PCDHGA4: variants seen among roughly 807,000 people sequenced by gnomAD.
The protein encoded by PCDHGA4 is protocadherin gamma-A4.
Under a neutral mutation model 54.6 loss-of-function variants are expected in PCDHGA4, and 38 were observed. That is an observed-to-expected ratio of 0.70 (90% confidence interval 0.54 to 0.91). The LOEUF is 0.91. Among genes scored for constraint, PCDHGA4 ranks in the 40% least tolerant of loss-of-function variants. The pLI, the probability that PCDHGA4 is intolerant of heterozygous loss-of-function variation, is 0.00. For synonymous variants in PCDHGA4, 511 were observed against 512.9 expected (o/e 1.00, Z 0.05); for missense variants, 1,298 against 1,220.9 (o/e 1.06, Z -0.94).
chr5:141,479,188 A>G (rs2099489531), intron 1 of PCDHGA4: 1 of 152,606 alleles, frequency 6.6e-6, no homozygotes. Context: ...TAGAAAATTC[A>G]GAAAATACAG....
intron 1 of PCDHGA4, chr5:141,441,697 C>T: frequency 6.5e-6 from 2 of 307,306 alleles, no homozygotes; most frequent in Non-Finnish European, 1.3e-5. Flanking sequence ...CAGCCGCGAG[C>T]CTTCAAGCTC....
rs2154586748 is a variant in PCDHGA4 at position 141,491,733 on chromosome 5, T to A, written c.2515-3074T>A. The A allele has an allele frequency of 6.2e-7, 1 of 1,602,698 alleles. No individual in the cohort carries two copies. Among genetic ancestry groups the A allele is most frequent in the Non-Finnish European group, 8.5e-7 (1 of 1,175,258 alleles). On this transcript the variant is annotated intron_variant, in intron 1 of 3. Transcript: ENST00000571252. The surrounding 1 kb of genome is among the most constrained non-coding windows in gnomAD (Gnocchi z 6.9). ...GCTCGGCGCCGCCCCGGGCGACCCC[T>A]GGGGGCGGCACTGGAGAAGCCGCCC...
At chr5:141,443,166 C>G (rs914863821) in intron 1 of PCDHGA4, among the ~76,000 whole-genome samples, 1 of 152,124 alleles carries the variant, frequency 6.6e-6, no homozygotes, top group African/African-American at 2.4e-5. Flanking sequence ...ATTTCCCTAC[C>G]CATGTCCACT....
intron 1 of PCDHGA4, among the ~76,000 whole-genome samples, chr5:141,429,759 C>T (rs1233949322): frequency 6.6e-6 from 1 of 151,946 alleles, no homozygotes; most frequent in East Asian, 1.9e-4. Flanking sequence ...GAATTTTTTC[C>T]CTATATTTTG....
At chr5:141,418,599 A>G in intron 1 of PCDHGA4, 1 of 1,614,054 alleles carries the variant, frequency 6.2e-7, no homozygotes, top group South Asian at 1.1e-5. Flanking sequence ...CAGGACGTGT[A>G]CAGGGTTAGC....
intron 1 of PCDHGA4, chr5:141,375,695 G>A (rs540188136): frequency 3.1e-6 from 5 of 1,614,132 alleles, no homozygotes; most frequent in Middle Eastern, 1.6e-4. Flanking sequence ...CAGCGACAGC[G>A]GGGACCCGCC....
At position 141,357,564 on chromosome 5, in the gene PCDHGA4, C is replaced by G. The variant is rs373329089; in HGVS notation, c.2457C>G (p.Ser819Arg). The G allele has an allele frequency of 6.2e-7, 1 of 1,614,202 alleles. No individual in the cohort carries two copies. Among genetic ancestry groups the G allele is most frequent in the Non-Finnish European group, 8.5e-7 (1 of 1,180,028 alleles). The change falls in exon 1 of 4, where the codon AGC becomes AGG. Residue 819 changes from serine (S) to arginine (R), a missense_variant. Coordinates refer to ENST00000571252, the MANE Select transcript of PCDHGA4 (RefSeq NM_018917.4). ...TCAGCCGGGAGAGTTGTGAGAAAAGCGAGCCTCTTCTGATAACTCAGGATT... is the reference window on the plus strand; with the variant it reads ...TCAGCCGGGAGAGTTGTGAGAAAAGGGAGCCTCTTCTGATAACTCAGGATT... ...TLISRESCEKSEPLLITQDLL... is the reference protein window; with the variant it reads ...TLISRESCEKREPLLITQDLL...
At chr5:141,405,955 CCTG>C (rs1293666113) in intron 1 of PCDHGA4, among the ~76,000 whole-genome samples, 4 of 152,056 alleles carry the variant, frequency 2.6e-5, no homozygotes, top group African/African-American at 9.7e-5. Context: ...TAATAATTAA[CCTG>C]CTGTCAACGT....
At chr5:141,377,625 G>GT (rs1774202160) in intron 1 of PCDHGA4, 1 of 150,730 alleles carries the variant, frequency 6.6e-6, no homozygotes, top group South Asian at 2.1e-4. Flanking sequence ...AAAAGATTTT[G>GT]TTTTTTCTCA....
At chr5:141,427,355 C>T (rs765449381) in intron 1 of PCDHGA4, 2 of 457,430 alleles carry the variant, frequency 4.4e-6, no homozygotes, top group African/African-American at 2.0e-5. Flanking sequence ...TAACTGAGGA[C>T]GCAGAACCCT....
At chr5:141,501,837 G>C (rs2099811299) in intron 2 of PCDHGA4, among the ~76,000 whole-genome samples, 1 of 152,018 alleles carries the variant, frequency 6.6e-6, no homozygotes, top group Admixed American at 6.5e-5. Flanking sequence ...CCACCTGTTT[G>C]GCCCTCAACC....
chr5:141,374,413 C>G (rs773364230), intron 1 of PCDHGA4: 3 of 1,613,856 alleles, frequency 1.9e-6, no homozygotes, highest in Admixed American at 3.3e-5. Context: ...ACATCCTTGT[C>G]GAGGATAAAC....
intron 1 of PCDHGA4, chr5:141,378,037 A>G (rs898518521): frequency 1.3e-5 from 2 of 152,204 alleles, no homozygotes; most frequent in African/African-American, 4.8e-5. Flanking sequence ...TTAAAACAAG[A>G]CTTTCCTTAT....
intron 1 of PCDHGA4, chr5:141,361,783 G>A (rs375966726): frequency 7.7e-5 from 125 of 1,613,126 alleles, no homozygotes; most frequent in Admixed American, 3.0e-4. Flanking sequence ...GAGCCTGCGC[G>A]TGTTAGTGGG....
In PCDHGA4 at chr5:141,388,566, A is replaced by T. The variant is rs145399301; in HGVS notation, c.2514+30945A>T. ...TCCACCCCTAAGCAGCACTGCACAGATACACGTTCTAGTGACTGATGCCAA... is the reference window on the plus strand; with the variant it reads ...TCCACCCCTAAGCAGCACTGCACAGTTACACGTTCTAGTGACTGATGCCAA... On this transcript the variant is annotated intron_variant, in intron 1 of 3. Transcript: ENST00000571252. 134 of 1,613,852 alleles carry T rather than the reference A, an allele frequency of 8.3e-5. No homozygotes were observed. The East Asian group carries it at 2.4e-3, about 29-fold the overall frequency.
Position 141,415,740 on chromosome 5 carries a change from GTTTTTTTTTTTTTTTTTTT to G in PCDHGA4, c.2514+58133_2514+58151del, listed in dbSNP as rs57426385. ...TGAGTAGAATTTGATGTTTATTAAG[GTTTTTTTTTTTTTTTTTTT>G]TTTTTTTTTTTTTACTTTCTGGTAA... is the stretch of plus-strand genomic sequence containing the variant. On this transcript the variant is annotated intron_variant, in intron 1 of 3. Coordinates refer to ENST00000571252, the MANE Select transcript of PCDHGA4 (RefSeq NM_018917.4). The G allele has an allele frequency of 6.7e-5, 42 of 625,046 alleles. No individual in the cohort carries two copies. In the African/African-American group the frequency reaches 7.3e-4, roughly 11 times the overall value. 38.7% of individuals were successfully genotyped at this position (625,046 alleles called of 1,614,324 possible).
chr5:141,375,469 T>C (rs762486539), intron 1 of PCDHGA4: 1 of 1,613,946 alleles, frequency 6.2e-7, no homozygotes, highest in South Asian at 1.1e-5. Flanking sequence ...TCTATGTCCT[T>C]GAAAACAACC....
At chr5:141,474,126 A>G (rs1450071391) in intron 1 of PCDHGA4, among the ~76,000 whole-genome samples, 2 of 152,232 alleles carry the variant, frequency 1.3e-5, no homozygotes, top group African/African-American at 4.8e-5. Context: ...AAAATCTCAG[A>G]AAACTACAGG....
intron 1 of PCDHGA4, among the ~76,000 whole-genome samples, chr5:141,467,320 T>C (rs1593065881): frequency 6.6e-6 from 1 of 152,322 alleles, no homozygotes; most frequent in African/African-American, 2.4e-5. Flanking sequence ...CCCACAGTGC[T>C]GGGATTAGAG....
Sources: gnomAD v4.1 joint callset for allele counts (sites outside exome capture counted in the v4.1 genomes callset) on GRCh38, gnomAD v4.1.1 for gene constraint, Gnocchi (gnomAD v3.1) non-coding constraint, MANE v1.5 for transcripts, NCBI Gene and HGNC (gene_info 2026-07-23, HGNC 2026-07-21) for gene names.